Variants in CCNL2 observed in about 807,000 individuals in gnomAD.
The protein encoded by CCNL2 is cyclin-L2.
CCNL2 carries 28 observed loss-of-function variants against 59.1 expected under a neutral mutation model. The observed-to-expected ratio is 0.47, with a 90% CI of 0.35 to 0.65. The LOEUF (loss-of-function observed/expected upper bound fraction) is 0.65, where lower values mean the gene tolerates loss of function less well. CCNL2 is among the 30% of genes least tolerant of loss of function. CCNL2 has a pLI of 0.00. For synonymous variants in CCNL2, 342 were observed against 288.6 expected (o/e 1.19, Z -1.88); for missense variants, 714 against 717.4 (o/e 1.00, Z 0.05).
chr1:1,398,108 C>G (rs1169752146), intron 3 of CCNL2, 125 bp downstream of exon 3: 1 of 888,630 alleles, frequency 1.1e-6, no homozygotes, highest in Admixed American at 2.5e-5. Flanking sequence ...TGAGACTGCG[C>G]TCATGAATAT....
At chr1:1,391,672 A>G in intron 5 of CCNL2, 1 of 671,070 alleles carries the variant, frequency 1.5e-6, no homozygotes, top group Middle Eastern at 3.1e-4. Flanking sequence ...ATCACAGTAC[A>G]TTCTTTAACT....
At chr1:1,387,748 G>A in intron 10 of CCNL2, 29 bp downstream of exon 10, 2 of 1,548,058 alleles carry the variant, frequency 1.3e-6, no homozygotes, top group African/African-American at 2.8e-5. Flanking sequence ...CCCGGTATCG[G>A]CCTCCTGGGT....
intron 8 of CCNL2, chr1:1,388,593 A>C (rs1210176399): frequency 4.7e-6 from 2 of 428,388 alleles, no homozygotes; most frequent in Non-Finnish European, 9.3e-6. Context: ...CTATATATAT[A>C]TATACATAGA....
rs752908717 is a variant in CCNL2 at position 1,387,579 on chromosome 1, T to C, written c.1215A>G (p.Lys405=). 28 of 1,485,612 alleles carry C rather than the reference T, an allele frequency of 1.9e-5. No homozygotes were observed. The highest frequency in any genetic ancestry group is 2.4e-5 in the Non-Finnish European group (27 of 1,117,076). 92.0% of individuals were successfully genotyped at this position (1,485,612 alleles called of 1,614,324 possible). Residue 405 remains lysine (K), a synonymous_variant, in exon 11 of 11, where the codon AAA becomes AAG. Transcript: ENST00000400809. ...CACCAGATGTGGAGCCGCTGTCACT[T>C]TTCCTGGGAGGAAGAACAGCACCAC... ...PSRSASPKRR[K]SDSGSTSGGS...
intron 8 of CCNL2, chr1:1,388,428 G>A (rs1644575295): frequency 9.3e-6 from 4 of 430,972 alleles, no homozygotes; most frequent in Non-Finnish European, 9.2e-6. Flanking sequence ...GGCTGAAGCA[G>A]AAGAATCGCT....
rs377266295 is a variant in CCNL2, at chr1:1,387,022, G to A, written c.*209C>T. On this transcript the variant is annotated 3_prime_UTR_variant, in exon 11 of 11. Transcript: ENST00000400809. ...CCAGGTGTGCGCCGCACCCCAGACC[G>A]GTCTGAAGCACGTGTCACCGGTCCC... 7.8e-5 allele frequency: 43 copies of A among 547,784 alleles called. No homozygotes were observed. The highest frequency in any genetic ancestry group is 1.1e-4 in the Non-Finnish European group (33 of 309,482). The allele number at this position is 547,784 out of a possible 1,614,324, so 33.9% of individuals were successfully genotyped here.
intron 3 of CCNL2, among the ~76,000 whole-genome samples, chr1:1,397,747 C>G (rs533305593): frequency 6.6e-6 from 1 of 152,156 alleles, no homozygotes; most frequent in African/African-American, 2.4e-5. Context: ...CTCCTATAGT[C>G]CCAGCTACTC....
In CCNL2 at chr1:1,390,771, G is replaced by A. The variant is rs1199969547; in HGVS notation, c.754C>T (p.Leu252=). 6.2e-7 allele frequency: 1 copy of A among 1,613,964 alleles called. No homozygotes were observed. Among genetic ancestry groups the A allele is most frequent in the Non-Finnish European group, 8.5e-7 (1 of 1,179,844 alleles). The change falls in exon 6 of 11, where the codon CTG becomes TTG. Residue 252 remains leucine (L), a synonymous_variant. Coordinates refer to ENST00000400809, the MANE Select transcript of CCNL2 (RefSeq NM_030937.6). ...CACIYLAART[L]EIPLPNRPHW... ...CATAGTAGCAACACACTGACCTCCA[G>A]CGTCCGGGCAGCAAGATAAATGCAG... is the stretch of plus-strand genomic sequence containing the variant.
Position 1,399,286 on chromosome 1 carries a change from CGCCGCCGCCGCCGCCGCCATTTTGT to C in CCNL2, c.-5_20del. 7.0e-7 allele frequency: 1 copy of C among 1,425,248 alleles called. No individual in the cohort carries two copies. The allele number at this position is 1,425,248 out of a possible 1,614,324, so 88.3% of individuals were successfully genotyped here. A position where few individuals can be genotyped will look rare whatever the true frequency, so the allele number is the denominator to read the frequency against. ...GAGCTGCCGACCCTGCAGCACCAGC[CGCCGCCGCCGCCGCCGCCATTTTGT>C]GCCGCCGACTCCCCTTCGGCTTCTT... On this transcript the variant is annotated start_lost and 5_prime_UTR_variant, in exon 1 of 11. Transcript: ENST00000400809.
chr1:1,388,849 G>GTGGATCACGAAGC, intron 8 of CCNL2: 1 of 380,810 alleles, frequency 2.6e-6, no homozygotes, highest in Non-Finnish European at 4.9e-6. Flanking sequence ...GCCAAGGCGG[G>GTGGATCACGAAGC]CAGATCAACT....
chr1:1,391,149 C>CT, intron 5 of CCNL2: 1 of 1,200,456 alleles, frequency 8.3e-7, no homozygotes, highest in Non-Finnish European at 1.0e-6. Flanking sequence ...AGAGAACCGA[C>CT]TTTAACTTTA....
At position 1,398,650 on chromosome 1, in the gene CCNL2, C is replaced by T. The variant is rs1645186819; in HGVS notation, c.310G>A (p.Val104Met). The T allele has an allele frequency of 6.2e-7, 1 of 1,613,936 alleles. No homozygotes were observed. The highest frequency in any genetic ancestry group is 8.5e-7 in the Non-Finnish European group (1 of 1,179,984). The change falls in exon 2 of 11, where the codon GTG becomes ATG. Residue 104 changes from valine to methionine, a missense_variant. Coordinates refer to ENST00000400809, the MANE Select transcript of CCNL2 (RefSeq NM_030937.6). The part of the protein sequence containing the change: ...LPQVAMATGQ[V>M]LFQRFFYTKS... Reference sequence around the variant, plus strand: ...GTATAAAAGAACCGCTGGAACAACACCTGCCCGGTAGCCATGGCCACCTAG... The same window carrying T: ...GTATAAAAGAACCGCTGGAACAACATCTGCCCGGTAGCCATGGCCACCTAG...
intron 3 of CCNL2, 105 bp from the exon 4 acceptor site, chr1:1,395,619 C>T: frequency 6.7e-7 from 1 of 1,487,714 alleles, no homozygotes; most frequent in Non-Finnish European, 9.1e-7. Context: ...AACCCCACAA[C>T]ACAACATCGC....
chr1:1,390,386 A>G lies in CCNL2; in HGVS notation c.865-15T>C. ...GTGAGATCAACCTGCAAAAGCCAGA[A>G]GGTGTCCGTTCAGAACCAGGTGTTT... On this transcript the variant is annotated splice_polypyrimidine_tract_variant and intron_variant, in intron 7 of 10. Transcript: ENST00000400809. 1 of 1,612,254 alleles carries G rather than the reference A, an allele frequency of 6.2e-7. No individual in the cohort carries two copies. Among genetic ancestry groups the G allele is most frequent in the Non-Finnish European group, 8.5e-7 (1 of 1,178,438 alleles).
In CCNL2 at chr1:1,399,121, C is replaced by T; in HGVS notation, c.186G>A (p.Thr62=). 6.2e-7 allele frequency: 1 copy of T among 1,611,906 alleles called. No individual in the cohort carries two copies. The highest frequency in any genetic ancestry group is 8.5e-7 in the Non-Finnish European group (1 of 1,179,452). Reference sequence around the variant, plus strand: ...TGTCGAGGCCGCTCGACATGGACGGCGTGAAACGGAGCTTGTCGTCAGGCA... The same window carrying T: ...TGTCGAGGCCGCTCGACATGGACGGTGTGAAACGGAGCTTGTCGTCAGGCA... The part of the protein sequence containing the change: ...CLLPDDKLRF[T]PSMSSGLDTD... The change falls in exon 1 of 11, where the codon ACG becomes ACA. Residue 62 remains threonine (T), a synonymous_variant. Transcript: ENST00000400809.
chr1:1,395,655 C>A lies in CCNL2; in HGVS notation c.474-141G>T. The A allele has an allele frequency of 6.8e-6, 8 of 1,178,804 alleles. No individual in the cohort carries two copies. The South Asian group carries it at 1.1e-4, about 17-fold the overall frequency. 73.0% of individuals were successfully genotyped at this position (1,178,804 alleles called of 1,614,324 possible). Reference sequence around the variant, plus strand: ...TATGAAGTCCACATCCTCTGATGAACAAAACTGCACACCGCTCCCCACAGC... The same window carrying A: ...TATGAAGTCCACATCCTCTGATGAAAAAAACTGCACACCGCTCCCCACAGC... On this transcript the variant is annotated intron_variant, in intron 3 of 10. Coordinates refer to ENST00000400809, the MANE Select transcript of CCNL2 (RefSeq NM_030937.6).
In CCNL2 at chr1:1,387,461, C is replaced by T. The variant is rs781130242; in HGVS notation, c.1333G>A (p.Gly445Ser). 10 of 1,612,876 alleles carry T rather than the reference C, an allele frequency of 6.2e-6. No homozygotes were observed. Among genetic ancestry groups the T allele is most frequent in the Non-Finnish European group, 8.5e-6 (10 of 1,179,750 alleles). ...SAPYKGSEIRGSRKSKDCKYP... is the reference protein window; with the variant it reads ...SAPYKGSEIRSSRKSKDCKYP... ...TTGCAGTCCTTGGACTTCCGGGAGC[C>T]CCGAATCTCAGAGCCTTTGTAGGGA... Residue 445 changes from glycine (G) to serine (S), a missense_variant, in exon 11 of 11, where the codon GGC (glycine) becomes AGC (serine). This residue lies in a region of CCNL2 where 403 missense variants were observed against 377.7 expected (regional missense o/e 1.07). Coordinates refer to ENST00000400809, the MANE Select transcript of CCNL2 (RefSeq NM_030937.6).
intron 3 of CCNL2, among the ~76,000 whole-genome samples, chr1:1,397,087 G>A (rs1378134110): frequency 1.3e-5 from 2 of 152,010 alleles, no homozygotes; most frequent in Admixed American, 1.3e-4. Context: ...TCACCATATT[G>A]GTTAGGCTGG....
In CCNL2 at chr1:1,398,383, G is replaced by C. The variant is rs1181927655; in HGVS notation, c.364-41C>G. On this transcript the variant is annotated intron_variant, in intron 2 of 10. Coordinates refer to ENST00000400809, the MANE Select transcript of CCNL2 (RefSeq NM_030937.6). ...TGCAACACGCCCATGTTTGTCCCCA[G>C]CCACGGCGTCCTGACGGCCGCCAAA... 3.1e-6 allele frequency: 5 copies of C among 1,612,788 alleles called. No individual in the cohort carries two copies. In the African/African-American group the frequency reaches 6.7e-5, roughly 22 times the overall value.
Sources: allele counts gnomAD v4.1 joint callset (sites outside exome capture counted in the v4.1 genomes callset), GRCh38; gene constraint gnomAD v4.1.1; regional missense constraint gnomAD v4.1.1; transcripts MANE v1.5; gene names NCBI Gene and HGNC (gene_info 2026-07-23, HGNC 2026-07-21).